MITF: variants seen among roughly 807,000 people sequenced by gnomAD.
MITF encodes melanocyte inducing transcription factor.
A neutral mutation model predicts 60.5 loss-of-function variants in MITF; 17 were observed. That is an observed-to-expected ratio of 0.28 (90% CI 0.19 to 0.42). MITF has a LOEUF of 0.42. Ranked by LOEUF, MITF falls within the 10% of genes least tolerant of loss-of-function variation. The pLI is 1.00. For missense variants in MITF, 622 were observed against 683.5 expected, an observed-to-expected ratio of 0.91 and a Z score of 1.00; for synonymous variants, 260 against 248.5, an observed-to-expected ratio of 1.05 and a Z score of -0.43.
chr3:69,745,971 A>G (rs2106752680), intron 1 of MITF, among the ~76,000 whole-genome samples: 2 of 152,388 alleles, frequency 1.3e-5, no homozygotes, highest in African/African-American at 4.8e-5. Flanking sequence ...CTATGGTAGC[A>G]GTTTTTACCC....
Position 69,965,681 on chromosome 3 carries a change from G to T in MITF, c.*433G>T. On this transcript the variant is annotated 3_prime_UTR_variant, in exon 10 of 10. Coordinates refer to ENST00000352241, the MANE Select transcript of MITF (RefSeq NM_001354604.2). ...AAAAAAAAAGAAAGAAAGAGGAAAA[G>T]AAATCCATACTAACCCTTTTCCATT... 1 of 253,174 alleles carries T rather than the reference G, an allele frequency of 3.9e-6. No homozygotes were observed. The highest frequency in any genetic ancestry group is 7.8e-6 in the Non-Finnish European group (1 of 128,664). 15.7% of individuals were successfully genotyped at this position (253,174 alleles called of 1,614,324 possible).
chr3:69,780,537 G>A (rs2062546598), intron 1 of MITF, among the ~76,000 whole-genome samples: 1 of 152,116 alleles, frequency 6.6e-6, no homozygotes, highest in Non-Finnish European at 1.5e-5. Context: ...ATAATTGACT[G>A]GGGAGCAGTT....
intron 1 of MITF, among the ~76,000 whole-genome samples, chr3:69,874,203 C>G (rs201301032): frequency 2.6e-4 from 40 of 152,290 alleles, no homozygotes; most frequent in South Asian, 8.3e-4. Context: ...AATAAAAATG[C>G]TACAATTCCT....
At chr3:69,958,939 T>C (rs2107535608) in intron 8 of MITF, among the ~76,000 whole-genome samples, 1 of 151,320 alleles carries the variant, frequency 6.6e-6, no homozygotes, top group South Asian at 2.1e-4. Context: ...AATTAATGTA[T>C]GATTATTTTA....
intron 1 of MITF, among the ~76,000 whole-genome samples, chr3:69,788,054 A>C (rs1212591678): frequency 1.3e-5 from 2 of 152,070 alleles, no homozygotes; most frequent in African/African-American, 4.8e-5. Context: ...CTGCATAGAC[A>C]GGCAGTGGTG....
At chr3:69,792,987 A>T (rs2062765361) in intron 1 of MITF, among the ~76,000 whole-genome samples, 1 of 137,530 alleles carries the variant, frequency 7.3e-6, no homozygotes, top group Non-Finnish European at 1.6e-5. Flanking sequence ...TTTATGGGCT[A>T]AAGTCTTTAG....
chr3:69,801,733 G>A (rs1432587279), intron 1 of MITF, among the ~76,000 whole-genome samples: 1 of 152,180 alleles, frequency 6.6e-6, no homozygotes, highest in Non-Finnish European at 1.5e-5. Context: ...AAGGAGACAA[G>A]TATTTGTTGA....
At chr3:69,849,180 G>C (rs897881274) in intron 1 of MITF, among the ~76,000 whole-genome samples, 1 of 151,708 alleles carries the variant, frequency 6.6e-6, no homozygotes, top group Non-Finnish European at 1.5e-5. Flanking sequence ...TAGCCGGGGT[G>C]GTCTCGATCT....
chr3:69,785,750 T>C (rs541219117), intron 1 of MITF, among the ~76,000 whole-genome samples: 4 of 152,188 alleles, frequency 2.6e-5, no homozygotes, highest in East Asian at 1.9e-4. Context: ...CCTTGGGAAA[T>C]TGAGCATGGC....
chr3:69,831,389 A>C (rs558828104), intron 1 of MITF, among the ~76,000 whole-genome samples: 1 of 152,178 alleles, frequency 6.6e-6, no homozygotes, highest in African/African-American at 2.4e-5. Flanking sequence ...GGTGGGGATA[A>C]ACTTTTTCTC....
At chr3:69,900,548 G>T (rs2107348327) in intron 2 of MITF, among the ~76,000 whole-genome samples, 1 of 152,236 alleles carries the variant, frequency 6.6e-6, no homozygotes, top group South Asian at 2.1e-4. Flanking sequence ...CTGACACTTG[G>T]CAAACCAGTG....
intron 2 of MITF, among the ~76,000 whole-genome samples, chr3:69,918,262 A>G (rs1240417988): frequency 6.6e-6 from 1 of 152,010 alleles, no homozygotes; most frequent in Admixed American, 6.6e-5. Context: ...TGGCCAGGCT[A>G]GTCTCGAACT....
chr3:69,774,799 G>A (rs2062448430), intron 1 of MITF, among the ~76,000 whole-genome samples: 1 of 152,114 alleles, frequency 6.6e-6, no homozygotes, highest in Non-Finnish European at 1.5e-5. Flanking sequence ...GAAGGAGGAG[G>A]CTAGCATGTT....
chr3:69,773,147 C>G (rs930648995), intron 1 of MITF, among the ~76,000 whole-genome samples: 10 of 152,120 alleles, frequency 6.6e-5, no homozygotes, highest in Non-Finnish European at 8.8e-5. Context: ...CAAAGCACAG[C>G]AGACAGAAGG....
intron 2 of MITF, among the ~76,000 whole-genome samples, chr3:69,901,012 C>CAA (rs199630541): frequency 6.6e-6 from 1 of 151,182 alleles, no homozygotes; most frequent in East Asian, 1.9e-4. Context: ...CAAAACAAAA[C>CAA]AAAAAAAACC....
chr3:69,883,212 C>T (rs1397172577), intron 2 of MITF, among the ~76,000 whole-genome samples: 3 of 152,130 alleles, frequency 2.0e-5, no homozygotes, highest in Admixed American at 6.6e-5. Context: ...CAAATCATCT[C>T]AAGAGTTGCG....
intron 1 of MITF, among the ~76,000 whole-genome samples, chr3:69,764,600 A>G (rs571763721): frequency 7.6e-4 from 116 of 152,168 alleles, no homozygotes; most frequent in Non-Finnish European, 1.6e-3. Flanking sequence ...TAATAACCCC[A>G]GACAGAGGAG....
intron 1 of MITF, among the ~76,000 whole-genome samples, chr3:69,834,327 C>G (rs1384767775): frequency 1.3e-5 from 2 of 152,160 alleles, no homozygotes; most frequent in Admixed American, 6.5e-5. Flanking sequence ...TCACCCATCC[C>G]CTTCCTAGTT....
In MITF at chr3:69,863,069, T is replaced by C. The variant is rs576264387; in HGVS notation, c.105-16065T>C. On this transcript the variant is annotated intron_variant, in intron 1 of 9. Coordinates refer to ENST00000352241, the MANE Select transcript of MITF (RefSeq NM_001354604.2). The stretch of plus-strand genomic sequence containing the variant: ...AGGAAACACATCTGAATAGTACAGA[T>C]GTGCCCAAGACAGTTGCTTACATAT... Among the ~76,000 whole-genome samples the C allele has an allele frequency of 3.3e-5, 5 of 152,264 alleles. 1 individual carries two copies. In the South Asian group the frequency reaches 1.0e-3, roughly 32 times the overall value.
Sources: allele counts gnomAD v4.1 joint callset (sites outside exome capture counted in the v4.1 genomes callset), GRCh38; gene constraint gnomAD v4.1.1; transcripts MANE v1.5; gene names NCBI Gene and HGNC (gene_info 2026-07-23, HGNC 2026-07-21).